Variants in MAP3K9 observed in about 807,000 individuals in gnomAD.
The protein encoded by MAP3K9 is mixed lineage kinase 1 (tyr and ser/thr specificity).
Under a neutral mutation model 95.8 loss-of-function variants are expected in MAP3K9, and 46 were observed. The observed-to-expected ratio is 0.48, with a 90% CI of 0.38 to 0.61. MAP3K9 has a LOEUF of 0.61. Among genes scored for constraint, MAP3K9 ranks in the 20% least tolerant of loss-of-function variants. MAP3K9 has a pLI of 0.00. For missense variants in MAP3K9, 1,296 were observed against 1,474.3 expected (o/e 0.88, Z 1.98); for synonymous variants, 533 against 593.8 (o/e 0.90, Z 1.49).
chr14:70,809,261 A>T lies in MAP3K9; in HGVS notation c.-90T>A. On this transcript the variant is annotated 5_prime_UTR_variant, in exon 1 of 12. Transcript: ENST00000554752. ...CATGCGCCTCCGCAGAGCTGGGAGG[A>T]CCCCCCCCCAACGACGGCGGCCGCA... The T allele has an allele frequency of 2.8e-6, 3 of 1,090,238 alleles. No homozygotes were observed. Among genetic ancestry groups the T allele is most frequent in the Non-Finnish European group, 3.4e-6 (3 of 877,816 alleles). The allele number at this position is 1,090,238 out of a possible 1,614,324, so 67.5% of individuals were successfully genotyped here. A position where few individuals can be genotyped will look rare whatever the true frequency, so the allele number is the denominator to read the frequency against.
chr14:70,800,549 G>T (rs1394541262), intron 2 of MAP3K9, 118 bp downstream of exon 2: 1 of 1,034,938 alleles, frequency 9.7e-7, no homozygotes, highest in Non-Finnish European at 1.4e-6. Context: ...GATGGAATGT[G>T]TTTAAGCAAG....
rs376594979 is a variant in MAP3K9 at position 70,800,901 on chromosome 14, C to T, written c.586G>A (p.Ala196Thr). ...ENVRQEAKLF[A>T]MLKHPNIIAL... Reference sequence around the variant, plus strand: ...ATGATGTTGGGGTGCTTCAGCATGGCGAAGAGCTTGGCCTCTTGGCGAACA... The same window carrying T: ...ATGATGTTGGGGTGCTTCAGCATGGTGAAGAGCTTGGCCTCTTGGCGAACA... Residue 196 changes from alanine to threonine, a missense_variant, in exon 2 of 12, where the codon GCC becomes ACC. Ala to Thr is a moderately conservative substitution (Grantham distance 58). Coordinates refer to ENST00000554752, the MANE Select transcript of MAP3K9 (RefSeq NM_001284230.2). 94 of 1,614,158 alleles carry T rather than the reference C, an allele frequency of 5.8e-5. No homozygotes were observed. Among genetic ancestry groups the T allele is most frequent in the Non-Finnish European group, 7.3e-5 (86 of 1,180,028 alleles).
Position 70,809,264 on chromosome 14 carries a change from C to T in MAP3K9, c.-93G>A. On this transcript the variant is annotated 5_prime_UTR_variant, in exon 1 of 12. Coordinates refer to ENST00000554752, the MANE Select transcript of MAP3K9 (RefSeq NM_001284230.2). ...GCGCCTCCGCAGAGCTGGGAGGACC[C>T]CCCCCCAACGACGGCGGCCGCAGGT... 8.1e-7 allele frequency: 1 copy of T among 1,239,232 alleles called. No individual in the cohort carries two copies. Among genetic ancestry groups the T allele is most frequent in the Non-Finnish European group, 1.0e-6 (1 of 992,148 alleles). The allele number at this position is 1,239,232 out of a possible 1,614,324, so 76.8% of individuals were successfully genotyped here.
chr14:70,736,203 C>T (rs1566731265), intron 8 of MAP3K9, among the ~76,000 whole-genome samples, 174 bp from the exon 9 acceptor site: 1 of 152,142 alleles, frequency 6.6e-6, no homozygotes, highest in Non-Finnish European at 1.5e-5. Context: ...CTGTTTAAGC[C>T]AAGACAGGCC....
At chr14:70,730,934 C>G in intron 11 of MAP3K9, 70 bp from the exon 12 acceptor site, 1 of 1,444,456 alleles carries the variant, frequency 6.9e-7, no homozygotes, top group Non-Finnish European at 9.3e-7. Context: ...TCCGCTACTC[C>G]CCCCCAACAC....
chr14:70,786,487 A>G (rs1302324775), intron 2 of MAP3K9, among the ~76,000 whole-genome samples: 6 of 152,144 alleles, frequency 3.9e-5, no homozygotes, highest in Non-Finnish European at 7.3e-5. Flanking sequence ...ATCCTTCTAC[A>G]TAACATACCA....
At chr14:70,767,214 T>A (rs1284537703) in intron 2 of MAP3K9, among the ~76,000 whole-genome samples, 1 of 151,670 alleles carries the variant, frequency 6.6e-6, no homozygotes, top group Non-Finnish European at 1.5e-5. Context: ...CAAAACCCTG[T>A]CTCTACTAAA....
chr14:70,746,030 T>C lies in MAP3K9; in HGVS notation c.1326+2799A>G, dbSNP rs1435135538. On this transcript the variant is annotated intron_variant, in intron 5 of 11. Coordinates refer to ENST00000554752, the MANE Select transcript of MAP3K9 (RefSeq NM_001284230.2). ...CCAAATCCTTTGTTTCTCTGTCCTATGACTTTGTTTTCATTACCAAGAGAA... is the reference window on the plus strand; with the variant it reads ...CCAAATCCTTTGTTTCTCTGTCCTACGACTTTGTTTTCATTACCAAGAGAA... 2.6e-5 allele frequency among the ~76,000 whole-genome samples: 4 copies of C among 152,216 alleles called. No homozygotes were observed. The East Asian group carries it at 7.7e-4, about 29-fold the overall frequency.
chr14:70,802,484 G>A lies in MAP3K9; in HGVS notation c.407-1404C>T, dbSNP rs1394633505. Among the ~76,000 whole-genome samples the A allele has an allele frequency of 2.6e-5, 4 of 152,188 alleles. No individual in the cohort carries two copies. In the East Asian group the frequency reaches 7.7e-4, roughly 29 times the overall value. Reference sequence around the variant, plus strand: ...TAATAGCTGCCAGTGATTATAAAGCGAGCTACATGTGGTGCTAAGTGCTAT... The same window carrying A: ...TAATAGCTGCCAGTGATTATAAAGCAAGCTACATGTGGTGCTAAGTGCTAT... On this transcript the variant is annotated intron_variant, in intron 1 of 11. Coordinates refer to ENST00000554752, the MANE Select transcript of MAP3K9 (RefSeq NM_001284230.2).
intron 4 of MAP3K9, among the ~76,000 whole-genome samples, chr14:70,749,247 T>G (rs1291671828): frequency 6.6e-6 from 1 of 152,212 alleles, no homozygotes; most frequent in Non-Finnish European, 1.5e-5. Context: ...ATTCTGGCTG[T>G]TAATTAAGGA....
At chr14:70,806,684 C>T (rs1478248696) in intron 1 of MAP3K9, among the ~76,000 whole-genome samples, 1 of 152,208 alleles carries the variant, frequency 6.6e-6, no homozygotes, top group African/African-American at 2.4e-5. Context: ...GTTTTTCAGC[C>T]TAAGTCATAC....
At position 70,730,703 on chromosome 14, in the gene MAP3K9, A is replaced by G; in HGVS notation, c.2992T>C (p.Ser998Pro). Residue 998 changes from serine (S) to proline (P), a missense_variant, in exon 12 of 12, where the codon TCT (serine) becomes CCT (proline). Coordinates refer to ENST00000554752, the MANE Select transcript of MAP3K9 (RefSeq NM_001284230.2). ...TLEFLPRPRPSANRQRLDPWW... is the reference protein window; with the variant it reads ...TLEFLPRPRPPANRQRLDPWW... ...GGGTCCAGCCGTTGCCGGTTGGCAG[A>G]AGGACGCGGCCGAGGCAGAAACTCC... 1 of 1,613,800 alleles carries G rather than the reference A, an allele frequency of 6.2e-7. No individual in the cohort carries two copies.
chr14:70,754,649 T>G (rs1002951076), intron 3 of MAP3K9, among the ~76,000 whole-genome samples: 1 of 152,068 alleles, frequency 6.6e-6, no homozygotes, highest in Non-Finnish European at 1.5e-5. Context: ...TTTTTTGTAT[T>G]TTTAGTAGAG....
rs1452952140 is a variant in MAP3K9, at chr14:70,734,442, A to C, written c.1970T>G (p.Val657Gly). The part of the protein sequence containing the change: ...KQWSSSAPNL[V>G]KGPRSSPALP... ...GGCCGGGCTACTCCTTGGGCCCTTC[A>C]CCAGGTTGGGGGCACTGGACGACCA... The change falls in exon 10 of 12, where the codon GTG (valine) becomes GGG (glycine). Residue 657 changes from valine (V) to glycine (G), a missense_variant. Val to Gly is a moderately radical substitution (Grantham distance 109). Around this residue, in one of 5 missense-constraint regions of MAP3K9, gnomAD observed 377 missense variants for 417.1 expected, o/e 0.90. Transcript: ENST00000554752. 6.2e-7 allele frequency: 1 copy of C among 1,614,124 alleles called. No individual in the cohort carries two copies. The highest frequency in any genetic ancestry group is 1.7e-5 in the Admixed American group (1 of 60,026).
rs539254236 is a variant in MAP3K9 at position 70,785,507 on chromosome 14, G to C, written c.820+15160C>G. 5.9e-5 allele frequency among the ~76,000 whole-genome samples: 9 copies of C among 152,256 alleles called. No individual in the cohort carries two copies. The South Asian group carries it at 1.9e-3, about 32-fold the overall frequency. On this transcript the variant is annotated intron_variant, in intron 2 of 11. Transcript: ENST00000554752. Reference sequence around the variant, plus strand: ...TTCTCTCTCTCTCTGAAAAGATCTTGTTGTACTGTATTCGCCCTTCTTGTG... The same window carrying C: ...TTCTCTCTCTCTCTGAAAAGATCTTCTTGTACTGTATTCGCCCTTCTTGTG...
intron 3 of MAP3K9, among the ~76,000 whole-genome samples, chr14:70,756,094 G>T (rs2139769208): frequency 6.6e-6 from 1 of 152,324 alleles, no homozygotes; most frequent in South Asian, 2.1e-4. Flanking sequence ...TAGGGTAAAA[G>T]TTGAAAGGTC....
In MAP3K9 at chr14:70,781,333, C is replaced by T. The variant is rs2054673426; in HGVS notation, c.820+19334G>A. Among the ~76,000 whole-genome samples the T allele has an allele frequency of 2.0e-5, 3 of 152,216 alleles. No individual in the cohort carries two copies. The South Asian group carries it at 6.2e-4, about 32-fold the overall frequency. On this transcript the variant is annotated intron_variant, in intron 2 of 11. Coordinates refer to ENST00000554752, the MANE Select transcript of MAP3K9 (RefSeq NM_001284230.2). The stretch of plus-strand genomic sequence containing the variant: ...AGCAGTCCTGGCCTCCAGCTTCTCC[C>T]AGCTCAGGCACTGAGCCATGTGTGT...
rs772290301 is a variant in MAP3K9 at position 70,732,581 on chromosome 14, T to C, written c.2788A>G (p.Arg930Gly). 4 of 1,600,574 alleles carry C rather than the reference T, an allele frequency of 2.5e-6. No individual in the cohort carries two copies. Among genetic ancestry groups the C allele is most frequent in the Non-Finnish European group, 3.4e-6 (4 of 1,172,590 alleles). ...ALKPETLLAS[R>G]SPSSNGLSPS... is the part of the protein sequence containing the mutation. ...CTCAACCCATTGCTGGAGGGGCTCC[T>C]GCTGGCTAGGAGAGTCTCTGGCTTA... Residue 930 changes from arginine to glycine, a missense_variant, in exon 11 of 12, where the codon AGG becomes GGG. Physicochemically the swap from Arg to Gly is moderately radical, Grantham distance 125 (BLOSUM62 -2). Coordinates refer to ENST00000554752, the MANE Select transcript of MAP3K9 (RefSeq NM_001284230.2).
intron 1 of MAP3K9, among the ~76,000 whole-genome samples, chr14:70,803,032 T>C (rs1208184123): frequency 6.6e-6 from 1 of 152,080 alleles, no homozygotes; most frequent in African/African-American, 2.4e-5. Context: ...GAGTTCTTGC[T>C]CGAATTCACA....
Sources: gnomAD v4.1 joint callset for allele counts (sites outside exome capture counted in the v4.1 genomes callset) on GRCh38, gnomAD v4.1.1 for gene constraint, gnomAD v4.1.1 regional missense constraint, MANE v1.5 for transcripts, NCBI Gene and HGNC (gene_info 2026-07-23, HGNC 2026-07-21) for gene names.